ARFGEF1: variants seen among roughly 807,000 people sequenced by gnomAD.
ARFGEF1 encodes brefeldin A-inhibited guanine nucleotide-exchange protein 1.
A neutral mutation model predicts 231.0 loss-of-function variants in ARFGEF1; 42 were observed. The observed-to-expected ratio is 0.18, with a 90% CI of 0.14 to 0.24. The LOEUF (loss-of-function observed/expected upper bound fraction) is 0.24. ARFGEF1 is among the 10% of genes least tolerant of loss of function. The pLI, the probability that ARFGEF1 is intolerant of heterozygous loss-of-function variation, is 1.00. For synonymous variants in ARFGEF1, 710 were observed against 732.3 expected, an observed-to-expected ratio of 0.97 and a Z score of 0.49; for missense variants, 1,345 against 2,192.0, an observed-to-expected ratio of 0.61 and a Z score of 7.72.
At chr8:67,296,317 T>C (rs1274727385) in intron 5 of ARFGEF1, 114 bp downstream of exon 5, 5 of 982,440 alleles carry the variant, frequency 5.1e-6, no homozygotes, top group Non-Finnish European at 7.3e-6. Context: ...GAAATGTAAA[T>C]AAAAGACATT....
intron 7 of ARFGEF1, among the ~76,000 whole-genome samples, chr8:67,278,284 A>G (rs899396688): frequency 2.6e-5 from 4 of 152,176 alleles, no homozygotes; most frequent in Non-Finnish European, 1.5e-5. Context: ...TCACCAGTTA[A>G]TGGGGTAAAT....
chr8:67,259,744 G>C, intron 15 of ARFGEF1, 71 bp downstream of exon 15: 1 of 1,104,208 alleles, frequency 9.1e-7, no homozygotes, highest in Non-Finnish European at 1.3e-6. Flanking sequence ...GCGAGACCCT[G>C]TCTCTAATAA....
chr8:67,200,201 A>C (rs763001604), intron 38 of ARFGEF1, 195 bp downstream of exon 38: 1 of 640,810 alleles, frequency 1.6e-6, no homozygotes, highest in Non-Finnish European at 2.9e-6. Flanking sequence ...TAGTGAACAA[A>C]GCTGGGTAAG....
At chr8:67,317,793 G>A (rs1379520844) in intron 1 of ARFGEF1, among the ~76,000 whole-genome samples, 3 of 151,422 alleles carry the variant, frequency 2.0e-5, no homozygotes, top group Admixed American at 6.6e-5. Flanking sequence ...CAGCTACTCG[G>A]GAGGCTGAGG....
chr8:67,276,001 G>T lies in ARFGEF1; in HGVS notation c.1312C>A (p.Leu438Met). ...TTTGGATCTGGTGGTCCATCTGACA[G>T]TGGTTTCATTGACAGTTTACACAAT... Reference protein sequence around the residue: ...RSLCKLSMKPLSDGPPDPKSH... With the variant: ...RSLCKLSMKPMSDGPPDPKSH... Residue 438 changes from leucine to methionine, a missense_variant, in exon 9 of 39, where the codon CTG becomes ATG. This residue lies in a region of ARFGEF1 where 141 missense variants were observed against 259.9 expected (regional missense o/e 0.54). Transcript: ENST00000262215. 1 of 1,613,364 alleles carries T rather than the reference G, an allele frequency of 6.2e-7. No homozygotes were observed. Among genetic ancestry groups the T allele is most frequent in the Non-Finnish European group, 8.5e-7 (1 of 1,179,508 alleles).
chr8:67,200,601 T>G (rs901205415), intron 37 of ARFGEF1, 88 bp from the exon 38 acceptor site: 8 of 789,128 alleles, frequency 1.0e-5, no homozygotes, highest in East Asian at 4.9e-5. Context: ...AACATAGTAG[T>G]GAATATGAAC....
At chr8:67,195,592 A>ACTGG, downstream of ARFGEF1, 1 of 1,613,686 alleles carries the variant, frequency 6.2e-7, no homozygotes, top group Non-Finnish European at 8.5e-7. Context: ...GCACATGGTT[A>ACTGG]AAATAAACCT....
At chr8:67,337,128 CAAAAAAAAAAAAAA>C (rs1160016610) in intron 1 of ARFGEF1, among the ~76,000 whole-genome samples, 1 of 55,000 alleles carries the variant, frequency 1.8e-5, no homozygotes, top group Non-Finnish European at 3.3e-5. Context: ...GACGCCGTCT[CAAAAAAAAAAAAAA>C]AAAAAAAAAC....
chr8:67,200,357 G>C (rs759716395), intron 38 of ARFGEF1, 39 bp downstream of exon 38: 5 of 1,419,594 alleles, frequency 3.5e-6, no homozygotes, highest in Non-Finnish European at 4.0e-6. Flanking sequence ...TGCGAATTGG[G>C]CTAGAAATGT....
At chr8:67,202,064 G>A (rs1170793787) in intron 36 of ARFGEF1, among the ~76,000 whole-genome samples, 2 of 152,172 alleles carry the variant, frequency 1.3e-5, no homozygotes, top group Non-Finnish European at 2.9e-5. Context: ...GGAAAAATAA[G>A]TACAGACTAC....
At chr8:67,321,500 G>T (rs575277768) in intron 1 of ARFGEF1, among the ~76,000 whole-genome samples, 2 of 151,942 alleles carry the variant, frequency 1.3e-5, no homozygotes, top group African/African-American at 2.4e-5. Flanking sequence ...TCGCTCTGTC[G>T]CCCAGGCTGG....
At chr8:67,175,584 GAA>G (rs1831420607) in intron 5 of ARFGEF1, 2 of 878,948 alleles carry the variant, frequency 2.3e-6, no homozygotes, top group Non-Finnish European at 3.7e-6. Flanking sequence ...TGTAGTACCA[GAA>G]AAGAACAAGT....
chr8:67,301,443 T>A, intron 2 of ARFGEF1, 63 bp from the exon 3 acceptor site: 2 of 1,480,964 alleles, frequency 1.4e-6, no homozygotes, highest in Non-Finnish European at 1.8e-6. Context: ...AATAAACCCA[T>A]GTAGAAACAC....
intron 29 of ARFGEF1, 56 bp downstream of exon 29, chr8:67,224,847 A>C (rs1257056411): frequency 2.3e-6 from 3 of 1,279,084 alleles, no homozygotes; most frequent in Non-Finnish European, 3.2e-6. Flanking sequence ...AAGAAGAGTT[A>C]ATTTGATTAA....
At chr8:67,276,185 T>C (rs930527086) in intron 8 of ARFGEF1, 76 bp from the exon 9 acceptor site, 43 of 1,486,276 alleles carry the variant, frequency 2.9e-5, no homozygotes, top group Non-Finnish European at 3.6e-5. Context: ...CTACTGTATT[T>C]CATTCAATTC....
At chr8:67,194,694 A>G (rs1415341170), downstream of ARFGEF1, among the ~76,000 whole-genome samples, 1 of 151,396 alleles carries the variant, frequency 6.6e-6, no homozygotes, top group East Asian at 1.9e-4. Context: ...AATTAAAAAA[A>G]AAAAAAAGAA....
chr8:67,290,093 A>T (rs974074262), intron 6 of ARFGEF1, among the ~76,000 whole-genome samples: 1 of 152,182 alleles, frequency 6.6e-6, no homozygotes, highest in Admixed American at 6.5e-5. Flanking sequence ...CCAAAAATGC[A>T]CTCTGAACCA....
chr8:67,193,429 T>G (rs867105590), downstream of ARFGEF1: 36 of 1,593,564 alleles, frequency 2.3e-5, 1 homozygote, highest in Middle Eastern at 2.8e-3. Context: ...TATTTTGTGT[T>G]AATGACTTTC....
downstream of ARFGEF1, among the ~76,000 whole-genome samples, chr8:67,197,112 G>C (rs1838055942): frequency 6.6e-6 from 1 of 152,134 alleles, no homozygotes; most frequent in Non-Finnish European, 1.5e-5. Flanking sequence ...CATTCAAGTA[G>C]TGTAGCCTGA....
Sources: allele counts gnomAD v4.1 joint callset (sites outside exome capture counted in the v4.1 genomes callset), GRCh38; gene constraint gnomAD v4.1.1; regional missense constraint gnomAD v4.1.1; transcripts MANE v1.5; gene names NCBI Gene and HGNC (gene_info 2026-07-23, HGNC 2026-07-21).